The following SLC24A2 variants were observed in gnomAD, a reference collection of about 807,000 sequenced individuals.
SLC24A2 encodes the protein solute carrier family 24 member 2.
A neutral mutation model predicts 62.0 loss-of-function variants in SLC24A2; 36 were observed. The ratio of observed to expected loss-of-function variants is 0.58; its 90% CI spans 0.44 to 0.77. The LOEUF is 0.77. SLC24A2 is among the 30% of genes least tolerant of loss of function. The pLI is 0.00. For missense variants in SLC24A2, 846 were observed against 817.9 expected, an observed-to-expected ratio of 1.03 and a Z score of -0.42; for synonymous variants, 358 against 294.0, an observed-to-expected ratio of 1.22 and a Z score of -2.23.
the SLC24A2 span, among the ~76,000 whole-genome samples, chr9:20,112,522 A>T: frequency 6.6e-6 from 1 of 152,166 alleles, no homozygotes; most frequent in Non-Finnish European, 1.5e-5. Context: ...AATAATCTGA[A>T]ACTTCCCCAT....
At chr9:20,162,501 CAA>C in the SLC24A2 span, among the ~76,000 whole-genome samples, 2 of 151,848 alleles carry the variant, frequency 1.3e-5, no homozygotes, top group African/African-American at 4.8e-5. Flanking sequence ...GCTTACCAAC[CAA>C]AAAGAGTCCA....
the SLC24A2 span, among the ~76,000 whole-genome samples, chr9:20,079,637 C>T: frequency 5.5e-4 from 83 of 152,286 alleles, 1 homozygote; most frequent in African/African-American, 1.9e-3. Flanking sequence ...TCTTCATGTA[C>T]TTGGCAAGCA....
chr9:20,086,915 G>C, the SLC24A2 span, among the ~76,000 whole-genome samples: 2 of 152,136 alleles, frequency 1.3e-5, no homozygotes, highest in Non-Finnish European at 2.9e-5. Flanking sequence ...TTGAGTTTTT[G>C]ACACACAGGC....
chr9:20,056,638 A>T, the SLC24A2 span, among the ~76,000 whole-genome samples: 2 of 152,188 alleles, frequency 1.3e-5, no homozygotes, highest in East Asian at 3.8e-4. Context: ...TCTCAGTGGA[A>T]ATCAGATTCT....
intron 9 of SLC24A2, among the ~76,000 whole-genome samples, chr9:19,521,959 C>T (rs1456806706): frequency 1.3e-5 from 2 of 151,154 alleles, no homozygotes; most frequent in African/African-American, 2.4e-5. Context: ...CGTGGAAGCT[C>T]CTCCATTCTC....
chr9:20,161,757 TACACACAC>T, the SLC24A2 span, among the ~76,000 whole-genome samples: 49 of 147,340 alleles, frequency 3.3e-4, no homozygotes, highest in South Asian at 1.3e-3. Context: ...AACATGAAGA[TACACACAC>T]ACACACACAC....
chr9:20,196,892 C>G, the SLC24A2 span, among the ~76,000 whole-genome samples: 2 of 152,206 alleles, frequency 1.3e-5, no homozygotes. Flanking sequence ...TTTGTCCATG[C>G]ATATATGCCT....
chr9:19,895,018 T>G, the SLC24A2 span, among the ~76,000 whole-genome samples: 31 of 152,320 alleles, frequency 2.0e-4, no homozygotes, highest in African/African-American at 7.2e-4. Context: ...AAATAAAAGT[T>G]TGAAAATCCC....
the SLC24A2 span, among the ~76,000 whole-genome samples, chr9:19,850,986 T>TATATATATAC: frequency 6.2e-5 from 2 of 32,082 alleles, no homozygotes; most frequent in African/African-American, 2.1e-4. Flanking sequence ...TATATATATG[T>TATATATATAC]ATATATATAT....
At chr9:19,725,667 A>G (rs934804586) in intron 2 of SLC24A2, among the ~76,000 whole-genome samples, 2 of 152,218 alleles carry the variant, frequency 1.3e-5, no homozygotes, top group Admixed American at 1.3e-4. Context: ...ATGAATAAAG[A>G]TTGCAGCATT....
intron 9 of SLC24A2, among the ~76,000 whole-genome samples, chr9:19,527,084 T>G (rs1274308103): frequency 6.6e-6 from 1 of 152,210 alleles, no homozygotes; most frequent in East Asian, 1.9e-4. Flanking sequence ...TATTCCAGCA[T>G]CATTTGTTGA....
chr9:19,698,832 T>A (rs1820272006), intron 2 of SLC24A2, among the ~76,000 whole-genome samples: 1 of 152,184 alleles, frequency 6.6e-6, no homozygotes, highest in Non-Finnish European at 1.5e-5. Flanking sequence ...TGTATGGGAA[T>A]TGTACCACTG....
the SLC24A2 span, among the ~76,000 whole-genome samples, chr9:20,211,118 A>G: frequency 6.6e-6 from 1 of 152,116 alleles, no homozygotes; most frequent in African/African-American, 2.4e-5. Context: ...GGCAAAAAAA[A>G]AAGAGACAAA....
At chr9:19,961,442 A>T in the SLC24A2 span, among the ~76,000 whole-genome samples, 4 of 152,132 alleles carry the variant, frequency 2.6e-5, no homozygotes, top group East Asian at 1.9e-4. Flanking sequence ...CAATAAGTAG[A>T]CTTAACAAAA....
At position 19,508,049 on chromosome 9, in the gene SLC24A2, T is replaced by C. The variant is rs1023667566; in HGVS notation, c.*8104A>G. 2.0e-5 allele frequency: 3 copies of C among 152,248 alleles called. No individual in the cohort carries two copies. In the East Asian group the frequency reaches 5.8e-4, roughly 29 times the overall value. The allele number at this position is 152,248 out of a possible 1,614,324, so 9.4% of individuals were successfully genotyped here. On this transcript the variant is annotated 3_prime_UTR_variant, in exon 11 of 11. Transcript: ENST00000341998. ...GTATAATTTCTCTTGCTTTTAGTGC[T>C]AGCAGCAACTTCACTGAATCAGGAA... is the stretch of plus-strand genomic sequence containing the variant.
chr9:19,826,707 A>G, the SLC24A2 span, among the ~76,000 whole-genome samples: 2 of 152,184 alleles, frequency 1.3e-5, no homozygotes, highest in African/African-American at 4.8e-5. Context: ...AATCTCATCC[A>G]TAAGGGTAGA....
At chr9:19,772,254 A>G (rs1822711844) in intron 2 of SLC24A2, among the ~76,000 whole-genome samples, 1 of 152,160 alleles carries the variant, frequency 6.6e-6, no homozygotes, top group East Asian at 1.9e-4. Context: ...TCCTCCTCCA[A>G]TTCTTAGCTT....
At chr9:20,061,996 G>A in the SLC24A2 span, among the ~76,000 whole-genome samples, 1 of 152,160 alleles carries the variant, frequency 6.6e-6, no homozygotes, top group Non-Finnish European at 1.5e-5. Flanking sequence ...AGTGCTTTGG[G>A]AGGCTAAGGC....
chr9:19,924,492 C>T, the SLC24A2 span, among the ~76,000 whole-genome samples: 1 of 152,164 alleles, frequency 6.6e-6, no homozygotes, highest in Admixed American at 6.5e-5. Flanking sequence ...GTTTCCATCA[C>T]TGATCTAGTC....
Sources: gnomAD v4.1 joint callset for allele counts (sites outside exome capture counted in the v4.1 genomes callset) on GRCh38, gnomAD v4.1.1 for gene constraint, MANE v1.5 for transcripts, NCBI Gene and HGNC (gene_info 2026-07-23, HGNC 2026-07-21) for gene names.